SLC20A2: variants seen among roughly 807,000 people sequenced by gnomAD.
SLC20A2 encodes solute carrier family 20 member 2.
In SLC20A2, 30 loss-of-function variants were observed where a neutral mutation model predicts 61.0. That is an observed-to-expected ratio of 0.49 (90% CI 0.37 to 0.67). The LOEUF (loss-of-function observed/expected upper bound fraction) is 0.67, where lower values mean the gene tolerates loss of function less well. SLC20A2 is among the 30% of genes least tolerant of loss of function. The pLI is 0.00. For synonymous variants in SLC20A2, 351 were observed against 353.3 expected (o/e 0.99, Z 0.07); for missense variants, 626 against 866.4 (o/e 0.72, Z 3.48).
Position 42,437,622 on chromosome 8 carries a change from T to TTC in SLC20A2, c.935-46_935-45insGA. ...GTCTCATTTTCCAGTCTTTTTTTTTTTTTTCTTTTCTTTTTGAGACGGAGC... is the reference window on the plus strand; with the variant it reads ...GTCTCATTTTCCAGTCTTTTTTTTTTTCTTTTCTTTTCTTTTTGAGACGGAGC... On this transcript the variant is annotated intron_variant, in intron 7 of 10. Coordinates refer to ENST00000520262, the MANE Select transcript of SLC20A2 (RefSeq NM_001257180.2). This position sits in a 1 kb window ranked among gnomAD's most constrained non-coding sequence, Gnocchi z 6.4. 6.7e-7 allele frequency: 1 copy of TTC among 1,486,070 alleles called. No homozygotes were observed. The highest frequency in any genetic ancestry group is 9.0e-7 in the Non-Finnish European group (1 of 1,110,712). The allele number at this position is 1,486,070 out of a possible 1,614,324, so 92.1% of individuals were successfully genotyped here.
chr8:42,430,136 G>A lies in SLC20A2; in HGVS notation c.1637C>T (p.Thr546Ile), dbSNP rs766137862. ...LLFYGGVGIC[T>I]GLWVWGRRVI... ...TCTTCTCCCCCAGACCCAGAGGCCTGTGCAGATTCCAACTCCTCCATAAAA... is the reference window on the plus strand; with the variant it reads ...TCTTCTCCCCCAGACCCAGAGGCCTATGCAGATTCCAACTCCTCCATAAAA... The change falls in exon 9 of 11, where the codon ACA (threonine) becomes ATA (isoleucine). Residue 546 changes from threonine to isoleucine, a missense_variant. By Grantham distance (89) the Thr-to-Ile change is moderately conservative (BLOSUM62 -1). Around this residue, in one of 3 missense-constraint regions of SLC20A2, gnomAD observed 138 missense variants for 228.7 expected, o/e 0.60. Transcript: ENST00000520262. 4.3e-6 allele frequency: 7 copies of A among 1,614,072 alleles called. No homozygotes were observed. Among genetic ancestry groups the A allele is most frequent in the South Asian group, 1.1e-5 (1 of 91,056 alleles).
intron 8 of SLC20A2, among the ~76,000 whole-genome samples, chr8:42,435,871 C>T (rs1169267104): frequency 1.3e-5 from 2 of 152,100 alleles, no homozygotes; most frequent in Non-Finnish European, 2.9e-5. Flanking sequence ...AATTCCAGCA[C>T]TTTGGGAGGC....
Position 42,437,591 on chromosome 8 carries a change from G to A in SLC20A2, c.935-14C>T. The A allele has an allele frequency of 1.9e-6, 3 of 1,543,498 alleles. No homozygotes were observed. Among genetic ancestry groups the A allele is most frequent in the Non-Finnish European group, 2.6e-6 (3 of 1,145,914 alleles). ...ACAGTGCTCTTCCTGAAAAGGGTTA[G>A]AGAAGGTCTCATTTTCCAGTCTTTT... On this transcript the variant is annotated splice_polypyrimidine_tract_variant and intron_variant, in intron 7 of 10. Coordinates refer to ENST00000520262, the MANE Select transcript of SLC20A2 (RefSeq NM_001257180.2). The surrounding 1 kb of genome is among the most constrained non-coding windows in gnomAD (Gnocchi z 6.4).
intron 1 of SLC20A2, among the ~76,000 whole-genome samples, chr8:42,522,112 G>A (rs943787692): frequency 2.5e-5 from 3 of 121,272 alleles, no homozygotes; most frequent in African/African-American, 7.6e-5. Flanking sequence ...GAAGGTACAA[G>A]CACGTAAAGG....
chr8:42,514,485 C>T (rs763929628), intron 1 of SLC20A2, among the ~76,000 whole-genome samples: 3 of 152,130 alleles, frequency 2.0e-5, no homozygotes, highest in Non-Finnish European at 4.4e-5. Context: ...TGGCTGGGCG[C>T]GGTGGCTCAT....
intron 1 of SLC20A2, among the ~76,000 whole-genome samples, chr8:42,518,751 T>C (rs1183785199): frequency 2.0e-5 from 3 of 152,262 alleles, no homozygotes; most frequent in Admixed American, 6.5e-5. Flanking sequence ...ACAGGTTTTC[T>C]AGATGCTCAA....
At chr8:42,525,063 T>C (rs191884253) in intron 1 of SLC20A2, among the ~76,000 whole-genome samples, 4 of 152,308 alleles carry the variant, frequency 2.6e-5, no homozygotes, top group Non-Finnish European at 5.9e-5. Flanking sequence ...GTTAGCTGTC[T>C]ACAGTAGCTG....
At chr8:42,420,002 G>C (rs1444213362) in intron 10 of SLC20A2, among the ~76,000 whole-genome samples, 1 of 152,018 alleles carries the variant, frequency 6.6e-6, no homozygotes, top group African/African-American at 2.4e-5. Flanking sequence ...CTGGCTAACA[G>C]GGTGAAACCC....
chr8:42,495,157 G>T (rs1022949265), intron 1 of SLC20A2, among the ~76,000 whole-genome samples: 1 of 151,960 alleles, frequency 6.6e-6, no homozygotes, highest in Non-Finnish European at 1.5e-5. Flanking sequence ...GCCCGGCCAC[G>T]TCTCTTATTT....
upstream of SLC20A2, chr8:42,541,943 G>A (rs1813233690): frequency 6.6e-6 from 1 of 152,186 alleles, no homozygotes; most frequent in Non-Finnish European, 1.5e-5. Flanking sequence ...GGCCAGTTGC[G>A]GCGGCCCATC....
intron 8 of SLC20A2, among the ~76,000 whole-genome samples, chr8:42,436,782 G>A (rs550079829): frequency 1.6e-3 from 249 of 152,336 alleles, no homozygotes; most frequent in African/African-American, 5.7e-3. Context: ...CTCCTGCCCT[G>A]TGTCTATCTA....
chr8:42,467,615 C>T (rs1308803285), intron 2 of SLC20A2, among the ~76,000 whole-genome samples: 1 of 152,206 alleles, frequency 6.6e-6, no homozygotes, highest in Non-Finnish European at 1.5e-5. Context: ...AGGACCCAGT[C>T]CATGAAGCAA....
At chr8:42,536,307 T>C (rs938561193) in intron 1 of SLC20A2, 1 of 152,204 alleles carries the variant, frequency 6.6e-6, no homozygotes, top group Non-Finnish European at 1.5e-5. Flanking sequence ...ATAAATGATA[T>C]GATATCCTTC....
At chr8:42,515,527 C>A (rs1811275425) in intron 1 of SLC20A2, among the ~76,000 whole-genome samples, 1 of 152,078 alleles carries the variant, frequency 6.6e-6, no homozygotes. Context: ...CTCACAATGG[C>A]AAAAGTCTAT....
At chr8:42,528,386 C>T (rs929812402) in intron 1 of SLC20A2, among the ~76,000 whole-genome samples, 2 of 151,400 alleles carry the variant, frequency 1.3e-5, no homozygotes, top group Non-Finnish European at 2.9e-5. Flanking sequence ...GGCGTGAACC[C>T]GGGAAGGAGA....
At chr8:42,469,524 T>C (rs1476462403) in intron 2 of SLC20A2, among the ~76,000 whole-genome samples, 3 of 152,208 alleles carry the variant, frequency 2.0e-5, no homozygotes, top group African/African-American at 7.2e-5. Flanking sequence ...GCCTTGTTCA[T>C]GAACCCTTCT....
intron 1 of SLC20A2, among the ~76,000 whole-genome samples, chr8:42,491,848 C>T (rs946303913): frequency 6.6e-6 from 1 of 152,144 alleles, no homozygotes; most frequent in Non-Finnish European, 1.5e-5. Context: ...ACCTACTATT[C>T]CATCTTGATG....
chr8:42,444,666 C>T lies in SLC20A2; in HGVS notation c.710G>A (p.Trp237Ter). The T allele has an allele frequency of 6.2e-7, 1 of 1,613,674 alleles. No homozygotes were observed. Among genetic ancestry groups the T allele is most frequent in the Non-Finnish European group, 8.5e-7 (1 of 1,179,702 alleles). The change falls in exon 6 of 11, where the codon TGG becomes TAG. Residue 237 changes from tryptophan to a stop codon, truncating the protein, a stop_gained. Coordinates refer to ENST00000520262, the MANE Select transcript of SLC20A2 (RefSeq NM_001257180.2). LOFTEE classifies it high-confidence loss of function. ...CATACCTGTTATTTTCCTCCGCATC[C>T]ACGGACACACGAAGAGCCACACAAA... ...AFFVWLFVCP[W>*]MRRKITGKLQ...
chr8:42,460,899 G>A (rs1402738407), intron 4 of SLC20A2, among the ~76,000 whole-genome samples: 2 of 152,192 alleles, frequency 1.3e-5, no homozygotes, highest in African/African-American at 4.8e-5. Flanking sequence ...ACATGAACAT[G>A]CTACCTGCCA....
Sources: gnomAD v4.1 joint callset for allele counts (sites outside exome capture counted in the v4.1 genomes callset) on GRCh38, gnomAD v4.1.1 for gene constraint, gnomAD v4.1.1 regional missense constraint, Gnocchi (gnomAD v3.1) non-coding constraint, MANE v1.5 for transcripts, NCBI Gene and HGNC (gene_info 2026-07-23, HGNC 2026-07-21) for gene names.